Variants in ZCCHC17 observed in about 807,000 individuals in gnomAD.
The protein encoded by ZCCHC17 is zinc finger CCHC domain-containing protein 17.
In ZCCHC17, 18 loss-of-function variants were observed where a neutral mutation model predicts 30.6. That is an observed-to-expected ratio of 0.59 (90% CI 0.41 to 0.87). The LOEUF (loss-of-function observed/expected upper bound fraction) is 0.87, where lower values mean the gene tolerates loss of function less well. Among genes scored for constraint, ZCCHC17 ranks in the 40% least tolerant of loss-of-function variants. The pLI is 0.00. For synonymous variants in ZCCHC17, 88 were observed against 92.4 expected (o/e 0.95, Z 0.27); for missense variants, 263 against 284.2 (o/e 0.93, Z 0.54).
intron 2 of ZCCHC17, among the ~76,000 whole-genome samples, chr1:31,312,954 G>C (rs1444334979): frequency 6.6e-6 from 1 of 151,458 alleles, no homozygotes; most frequent in Non-Finnish European, 1.5e-5. Context: ...TGTACTTTTA[G>C]TAGAGACAAG....
intron 3 of ZCCHC17, among the ~76,000 whole-genome samples, chr1:31,324,526 C>T (rs1014077113): frequency 6.6e-6 from 1 of 152,234 alleles, no homozygotes; most frequent in Non-Finnish European, 1.5e-5. Flanking sequence ...GACCCCTTTC[C>T]CCCATAGTCT....
chr1:31,327,349 T>C (rs763133736), intron 3 of ZCCHC17, among the ~76,000 whole-genome samples: 5 of 152,232 alleles, frequency 3.3e-5, no homozygotes, highest in Non-Finnish European at 7.3e-5. Flanking sequence ...AAACAGGGGT[T>C]CCATGACCAC....
At chr1:31,354,613 A>G (rs757316096) in intron 7 of ZCCHC17, among the ~76,000 whole-genome samples, 1 of 152,200 alleles carries the variant, frequency 6.6e-6, no homozygotes, top group Non-Finnish European at 1.5e-5. Flanking sequence ...TAAAGAGGGT[A>G]TATGGATATC....
chr1:31,350,627 T>C (rs1639436307), intron 7 of ZCCHC17, among the ~76,000 whole-genome samples: 1 of 152,130 alleles, frequency 6.6e-6, no homozygotes, highest in Admixed American at 6.5e-5. Context: ...TGAGATGGAG[T>C]GTCATTCTGT....
In ZCCHC17 at chr1:31,364,157, A is replaced by C; in HGVS notation, c.690A>C (p.Lys230Asn). The C allele has an allele frequency of 6.2e-7, 1 of 1,613,868 alleles. No individual in the cohort carries two copies. The highest frequency in any genetic ancestry group is 8.5e-7 in the Non-Finnish European group (1 of 1,179,900). ...ACAGCAAGGCAGCAAAGAAGAAGAA[A>C]AAGAAGAAGAAGCACAAGAAGAAGC... Reference protein sequence around the residue: ...SKDSKAAKKKKKKKKHKKKHK... With the variant: ...SKDSKAAKKKNKKKKHKKKHK... The change falls in exon 8 of 8, where the codon AAA (lysine) becomes AAC (asparagine). Residue 230 changes from lysine (K) to asparagine (N), a missense_variant. By Grantham distance (94) the Lys-to-Asn change is moderately conservative (BLOSUM62 0). Transcript: ENST00000344147.
chr1:31,315,410 G>A (rs1646709078), intron 2 of ZCCHC17, among the ~76,000 whole-genome samples: 2 of 152,142 alleles, frequency 1.3e-5, no homozygotes, highest in South Asian at 2.1e-4. Flanking sequence ...TATTCATCCT[G>A]TCATCCTCTG....
intron 3 of ZCCHC17, among the ~76,000 whole-genome samples, chr1:31,328,297 G>A (rs531274392): frequency 7.7e-4 from 117 of 152,222 alleles, no homozygotes; most frequent in African/African-American, 2.7e-3. Flanking sequence ...TGGATCGCTT[G>A]AGCTCAGGAG....
intron 5 of ZCCHC17, among the ~76,000 whole-genome samples, chr1:31,345,517 C>T (rs1162982230): frequency 0.015 from 73 of 4,770 alleles, no homozygotes; most frequent in African/African-American, 0.044. Context: ...TATGAAAAAT[C>T]AAGTGAGCTG....
intron 5 of ZCCHC17, among the ~76,000 whole-genome samples, chr1:31,342,749 T>C (rs921043917): frequency 8.5e-5 from 13 of 152,206 alleles, no homozygotes; most frequent in African/African-American, 3.1e-4. Context: ...GCCTGGGGGT[T>C]AGGGACTCCC....
chr1:31,305,301 A>C (rs150925411), intron 1 of ZCCHC17, among the ~76,000 whole-genome samples: 17 of 150,836 alleles, frequency 1.1e-4, no homozygotes, highest in African/African-American at 4.1e-4. Context: ...TTTTTTTGAG[A>C]CAGGGTTTCA....
At chr1:31,312,524 G>A (rs1208828944) in intron 2 of ZCCHC17, among the ~76,000 whole-genome samples, 1 of 152,022 alleles carries the variant, frequency 6.6e-6, no homozygotes, top group Non-Finnish European at 1.5e-5. Flanking sequence ...TGCTATGTGA[G>A]CCTTTAGGGT....
At chr1:31,333,358 C>T (rs1313607453) in intron 3 of ZCCHC17, among the ~76,000 whole-genome samples, 2 of 151,992 alleles carry the variant, frequency 1.3e-5, no homozygotes, top group African/African-American at 4.8e-5. Flanking sequence ...CCTGTCTCTA[C>T]TAAAAATACA....
chr1:31,322,339 T>C (rs1646880584), intron 3 of ZCCHC17, among the ~76,000 whole-genome samples: 1 of 152,188 alleles, frequency 6.6e-6, no homozygotes, highest in Admixed American at 6.5e-5. Flanking sequence ...TACCTACACT[T>C]TTGTCTCACT....
At chr1:31,318,350 G>A in intron 2 of ZCCHC17, 4 of 827,166 alleles carry the variant, frequency 4.8e-6, no homozygotes, top group Non-Finnish European at 7.4e-6. Context: ...GCTACAGGGG[G>A]AAGAGAGAGC....
rs374510860 is a variant in ZCCHC17, at chr1:31,315,080, A to G, written c.67-4029A>G. 6.8e-4 allele frequency among the ~76,000 whole-genome samples: 103 copies of G among 152,248 alleles called. 4 individuals are homozygous for G. In the East Asian group the frequency reaches 0.016, roughly 24 times the overall value. The stretch of plus-strand genomic sequence containing the variant: ...CAGCATTTATCCTGGTCTGTCTTGT[A>G]TTATTATTACTTGTATGTGTCTCTC... On this transcript the variant is annotated intron_variant, in intron 2 of 7. Coordinates refer to ENST00000344147, the MANE Select transcript of ZCCHC17 (RefSeq NM_016505.4).
At chr1:31,302,290 G>A (rs553381638) in intron 1 of ZCCHC17, among the ~76,000 whole-genome samples, 57 of 150,230 alleles carry the variant, frequency 3.8e-4, no homozygotes, top group Non-Finnish European at 6.3e-4. Context: ...ATGGGACCTA[G>A]CTCCTTCTTC....
At chr1:31,326,439 C>T (rs1277198748) in intron 3 of ZCCHC17, among the ~76,000 whole-genome samples, 17 of 152,198 alleles carry the variant, frequency 1.1e-4, no homozygotes, top group Non-Finnish European at 2.4e-4. Flanking sequence ...TTAAGTTTCT[C>T]ATTTTATGTT....
chr1:31,305,616 A>G (rs11809679), intron 1 of ZCCHC17, among the ~76,000 whole-genome samples: 14,055 of 151,888 alleles, frequency 0.093, 2,198 homozygotes, highest in African/African-American at 0.32. Flanking sequence ...TTTTTAAAAA[A>G]TATTTTGTGG....
rs1246479700 is a variant in ZCCHC17 at position 31,337,229 on chromosome 1, T to C, written c.179T>C (p.Ile60Thr). The C allele has an allele frequency of 3.1e-6, 5 of 1,613,854 alleles. No homozygotes were observed. The highest frequency in any genetic ancestry group is 3.4e-6 in the Non-Finnish European group (4 of 1,179,964). Residue 60 changes from isoleucine to threonine, a missense_variant, in exon 4 of 8, where the codon ATA becomes ACA. Ile to Thr is a moderately conservative substitution (Grantham distance 89, BLOSUM62 -1). Coordinates refer to ENST00000344147, the MANE Select transcript of ZCCHC17 (RefSeq NM_016505.4). ...SSCRVDKPSEIVDVGDKVWVK... is the reference protein window; with the variant it reads ...SSCRVDKPSETVDVGDKVWVK... ...TGTCGGGTGGATAAGCCCTCTGAGA[T>C]AGTAGATGTTGGAGATAAAGTGTGG...
Sources: gnomAD v4.1 joint callset for allele counts (sites outside exome capture counted in the v4.1 genomes callset) on GRCh38, gnomAD v4.1.1 for gene constraint, MANE v1.5 for transcripts, NCBI Gene and HGNC (gene_info 2026-07-23, HGNC 2026-07-21) for gene names.